The following DYNC2I1 variants were observed in gnomAD, a reference collection of about 807,000 sequenced individuals.
DYNC2I1 encodes cytoplasmic dynein 2 intermediate chain 1.
In DYNC2I1, 89 loss-of-function variants were observed where a neutral mutation model predicts 133.4. The observed-to-expected ratio is 0.67, with a 90% confidence interval of 0.56 to 0.80. The LOEUF (loss-of-function observed/expected upper bound fraction) is 0.80. DYNC2I1 is among the 30% of genes least tolerant of loss of function. DYNC2I1 has a pLI of 0.00. For missense variants in DYNC2I1, 1,291 were observed against 1,314.5 expected, an observed-to-expected ratio of 0.98 and a Z score of 0.28; for synonymous variants, 504 against 484.3, an observed-to-expected ratio of 1.04 and a Z score of -0.54.
At chr7:158,914,392 G>T in intron 14 of DYNC2I1, 71 bp downstream of exon 14, 1 of 1,199,048 alleles carries the variant, frequency 8.3e-7, no homozygotes, top group South Asian at 1.5e-5. Flanking sequence ...AGAAACATAG[G>T]AGCTTTTAAG....
At chr7:158,856,813 C>T in intron 1 of DYNC2I1, 63 bp downstream of exon 1, 1 of 1,228,380 alleles carries the variant, frequency 8.1e-7, no homozygotes, top group East Asian at 3.2e-5. Context: ...TCGGGCGCCG[C>T]TAGCAGCGCC....
chr7:158,957,470 G>C (rs1174732295), downstream of DYNC2I1, among the ~76,000 whole-genome samples: 2 of 152,218 alleles, frequency 1.3e-5, no homozygotes, highest in Non-Finnish European at 2.9e-5. Context: ...AAACCTACCA[G>C]GTAGCTCCTG....
chr7:158,887,530 A>ACC (rs1232451050), intron 7 of DYNC2I1, among the ~76,000 whole-genome samples: 1 of 152,210 alleles, frequency 6.6e-6, no homozygotes, highest in Non-Finnish European at 1.5e-5. Flanking sequence ...TAACTTTAGC[A>ACC]CCCCACTTTC....
At chr7:158,924,835 A>G (rs1262127236) in intron 17 of DYNC2I1, among the ~76,000 whole-genome samples, 1 of 151,998 alleles carries the variant, frequency 6.6e-6, no homozygotes, top group Non-Finnish European at 1.5e-5. Flanking sequence ...GCTCACTGGA[A>G]TTTCTGCCTC....
At chr7:158,860,983 C>T (rs188215653) in intron 1 of DYNC2I1, among the ~76,000 whole-genome samples, 97 of 152,316 alleles carry the variant, frequency 6.4e-4, no homozygotes, top group African/African-American at 2.2e-3. Context: ...ATGAACTCTC[C>T]ATTCAAAGCC....
intron 1 of DYNC2I1, among the ~76,000 whole-genome samples, chr7:158,865,017 G>T (rs1476578665): frequency 6.6e-6 from 1 of 152,210 alleles, no homozygotes; most frequent in Non-Finnish European, 1.5e-5. Context: ...GGAACAATGA[G>T]CGTCAGGTCC....
At chr7:158,856,520 G>A (rs1841236782), upstream of DYNC2I1, 1 of 419,528 alleles carries the variant, frequency 2.4e-6, no homozygotes. Flanking sequence ...GCTCCTGCCT[G>A]CCAGGTGCTA....
At chr7:158,915,874 TCGACACGC>T (rs1351236062) in intron 14 of DYNC2I1, among the ~76,000 whole-genome samples, 69 of 148,802 alleles carry the variant, frequency 4.6e-4, no homozygotes, top group Non-Finnish European at 7.0e-4. Flanking sequence ...TTGTGAAACG[TCGACACGC>T]TGGTTGAGAT....
rs114304349 is a variant in DYNC2I1, at chr7:158,869,986, A to G, written c.69+78A>G. The G allele has an allele frequency of 2.1e-3, 2,621 of 1,236,494 alleles. 51 individuals are homozygous for G. In the African/African-American group the frequency reaches 0.035, roughly 17 times the overall value. 76.6% of individuals were successfully genotyped at this position (1,236,494 alleles called of 1,614,324 possible). A position where few individuals can be genotyped will look rare whatever the true frequency, so the allele number is the denominator to read the frequency against. ...CTTGGACCTGCTTTACCTGGTACAC[A>G]ACACTGTATAACTTTGGTTATGTGT... On this transcript the variant is annotated intron_variant, in intron 2 of 24. Coordinates refer to ENST00000407559, the MANE Select transcript of DYNC2I1 (RefSeq NM_018051.5).
intron 9 of DYNC2I1, 65 bp downstream of exon 9, chr7:158,901,881 T>A: frequency 8.2e-7 from 1 of 1,215,758 alleles, no homozygotes; most frequent in Non-Finnish European, 1.1e-6. Context: ...TCAGCTTATA[T>A]ATAGTAATTT....
intron 3 of DYNC2I1, among the ~76,000 whole-genome samples, chr7:158,872,503 C>T (rs1012380378): frequency 2.4e-4 from 36 of 151,696 alleles, no homozygotes; most frequent in African/African-American, 7.0e-4. Flanking sequence ...GGCATGGTGG[C>T]GTGTGCCTGT....
At chr7:158,860,238 T>C (rs187349273) in intron 1 of DYNC2I1, among the ~76,000 whole-genome samples, 4 of 152,122 alleles carry the variant, frequency 2.6e-5, no homozygotes, top group African/African-American at 7.2e-5. Context: ...TTTATATTTT[T>C]AGTAGAGACA....
chr7:158,902,303 T>A (rs944981979), intron 9 of DYNC2I1, 73 bp from the exon 10 acceptor site: 2 of 1,252,136 alleles, frequency 1.6e-6, no homozygotes, highest in Admixed American at 2.2e-5. Context: ...AAGTGTCATG[T>A]TTTGTTCAGT....
At chr7:158,860,449 T>TA (rs1841771923) in intron 1 of DYNC2I1, among the ~76,000 whole-genome samples, 1 of 152,258 alleles carries the variant, frequency 6.6e-6, no homozygotes. Context: ...TGAATATAAA[T>TA]AGTTTTATGT....
chr7:158,892,303 C>A (rs556265169), intron 8 of DYNC2I1, among the ~76,000 whole-genome samples: 1 of 151,878 alleles, frequency 6.6e-6, no homozygotes, highest in African/African-American at 2.4e-5. Flanking sequence ...AGTCAGCAGG[C>A]GTTGTATTTA....
chr7:158,948,548 G>GC (rs1333975849), downstream of DYNC2I1, among the ~76,000 whole-genome samples: 2 of 149,468 alleles, frequency 1.3e-5, no homozygotes, highest in African/African-American at 5.0e-5. Flanking sequence ...CACAGTCATC[G>GC]CCCCCGGGTG....
intron 23 of DYNC2I1, among the ~76,000 whole-genome samples, chr7:158,938,360 C>T (rs918489824): frequency 5.3e-5 from 8 of 152,122 alleles, no homozygotes; most frequent in African/African-American, 9.7e-5. Context: ...CCAAGAATAC[C>T]GTATCCAGCA....
chr7:158,951,826 C>G (rs1852060690), intron 4 of DYNC2I1, among the ~76,000 whole-genome samples: 1 of 152,232 alleles, frequency 6.6e-6, no homozygotes, highest in African/African-American at 2.4e-5. Flanking sequence ...TCCTACCTCC[C>G]TGCATCCAAG....
At chr7:158,932,873 A>G (rs1197318716) in intron 21 of DYNC2I1, among the ~76,000 whole-genome samples, 2 of 152,220 alleles carry the variant, frequency 1.3e-5, no homozygotes, top group African/African-American at 4.8e-5. Flanking sequence ...GGAGGAGCCT[A>G]GGTTGGCCTC....
Sources: allele counts gnomAD v4.1 joint callset (sites outside exome capture counted in the v4.1 genomes callset), GRCh38; gene constraint gnomAD v4.1.1; transcripts MANE v1.5; gene names NCBI Gene and HGNC (gene_info 2026-07-23, HGNC 2026-07-21).